The following HERC4 variants were observed in gnomAD, a reference collection of about 807,000 sequenced individuals.
The protein encoded by HERC4 is probable E3 ubiquitin-protein ligase HERC4.
A neutral mutation model predicts 124.3 loss-of-function variants in HERC4; 28 were observed. The ratio of observed to expected loss-of-function variants is 0.23; its 90% CI spans 0.17 to 0.31. The LOEUF (loss-of-function observed/expected upper bound fraction) is 0.31. Among genes scored for constraint, HERC4 ranks in the 10% least tolerant of loss-of-function variants. The probability of loss-of-function intolerance (pLI) is 1.00; values close to 1 mark genes in which losing one functional copy is unlikely to be tolerated. For synonymous variants in HERC4, 407 were observed against 421.5 expected, an observed-to-expected ratio of 0.97 and a Z score of 0.42; for missense variants, 713 against 1,229.3, an observed-to-expected ratio of 0.58 and a Z score of 6.28.
chr10:68,056,861 C>T (rs1235561476), intron 3 of HERC4, among the ~76,000 whole-genome samples: 2 of 152,126 alleles, frequency 1.3e-5, no homozygotes, highest in Non-Finnish European at 2.9e-5. Flanking sequence ...ACAAGACAGT[C>T]ACTGAGAAAA....
chr10:68,024,279 G>C (rs949270943), intron 8 of HERC4, among the ~76,000 whole-genome samples: 1 of 152,070 alleles, frequency 6.6e-6, no homozygotes, highest in Non-Finnish European at 1.5e-5. Context: ...ATACTAACTG[G>C]TGATAAGTAC....
At chr10:67,960,510 C>T (rs539886723) in intron 16 of HERC4, among the ~76,000 whole-genome samples, 16 of 152,196 alleles carry the variant, frequency 1.1e-4, no homozygotes, top group Non-Finnish European at 1.6e-4. Context: ...CTCAGCCTCC[C>T]GAGTAGCTGG....
chr10:68,010,579 G>T, intron 9 of HERC4: 2 of 1,150,554 alleles, frequency 1.7e-6, no homozygotes, highest in South Asian at 1.3e-5. Flanking sequence ...ATACTGGTTC[G>T]CTTTCTCTTT....
At chr10:67,949,775 T>C (rs1395590871) in intron 19 of HERC4, among the ~76,000 whole-genome samples, 1 of 152,182 alleles carries the variant, frequency 6.6e-6, no homozygotes, top group Non-Finnish European at 1.5e-5. Flanking sequence ...GCCAGCACTT[T>C]GAGTGGCTGA....
chr10:67,993,368 T>C (rs2036663984), intron 9 of HERC4: 1 of 150,342 alleles, frequency 6.7e-6, no homozygotes, highest in African/African-American at 2.4e-5. Context: ...AAAGAAAGAA[T>C]TGAACTGGGC....
chr10:68,070,680 C>T (rs968245854), intron 3 of HERC4: 2 of 151,898 alleles, frequency 1.3e-5, no homozygotes, highest in African/African-American at 4.8e-5. Context: ...AGATGAAGTT[C>T]CTATCACAGC....
chr10:68,063,032 T>C (rs1213689174), intron 3 of HERC4, among the ~76,000 whole-genome samples: 7 of 152,186 alleles, frequency 4.6e-5, no homozygotes, highest in East Asian at 1.9e-4. Flanking sequence ...AACTTGCCTG[T>C]TGCCATCTGC....
intron 3 of HERC4, among the ~76,000 whole-genome samples, chr10:68,054,121 C>A (rs2040439258): frequency 6.6e-6 from 1 of 152,030 alleles, no homozygotes; most frequent in African/African-American, 2.4e-5. Flanking sequence ...TAAACTAGGG[C>A]AATGCAGAGT....
chr10:67,974,073 T>TAC lies in HERC4; in HGVS notation c.1807-7273_1807-7272dup, dbSNP rs57454971. Among the ~76,000 whole-genome samples, 92 of 96,044 alleles carry TAC rather than the reference T, an allele frequency of 9.6e-4. 3 individuals carry two copies. The highest frequency in any genetic ancestry group is 3.4e-3 in the African/African-American group (82 of 24,280). The allele number at this position is 96,044 out of a possible 152,430, so 63.0% of individuals were successfully genotyped here. A position where few individuals can be genotyped will look rare whatever the true frequency, so the allele number is the denominator to read the frequency against. On this transcript the variant is annotated intron_variant, in intron 15 of 24. Transcript: ENST00000373700. The stretch of plus-strand genomic sequence containing the variant: ...AAAAAAAAAAAAAAAAAAATTACTG[T>TAC]ACACACACACACACACACACACACA...
intron 24 of HERC4, among the ~76,000 whole-genome samples, chr10:67,923,968 A>G (rs1315772427): frequency 6.6e-6 from 1 of 152,190 alleles, no homozygotes; most frequent in Non-Finnish European, 1.5e-5. Context: ...ATACACAGGC[A>G]TCAGTTATAA....
At chr10:67,998,002 G>A (rs1425374982) in intron 9 of HERC4, among the ~76,000 whole-genome samples, 2 of 151,958 alleles carry the variant, frequency 1.3e-5, no homozygotes, top group Non-Finnish European at 2.9e-5. Context: ...GGGTTCAAGC[G>A]ATTCTCCTGC....
chr10:68,014,265 A>T (rs996513782), intron 8 of HERC4, 79 bp from the exon 9 acceptor site: 13 of 1,262,346 alleles, frequency 1.0e-5, no homozygotes, highest in African/African-American at 3.0e-5. Context: ...AGAAAATATC[A>T]AAAGAGGTAA....
rs35817479 is a variant in HERC4, at chr10:68,018,993, CTT to C, written c.909-4809_909-4808del. Among the ~76,000 whole-genome samples, 54 of 87,984 alleles carry C rather than the reference CTT, an allele frequency of 6.1e-4. 1 individual carries two copies. The East Asian group carries it at 7.5e-3, about 12-fold the overall frequency. 57.7% of individuals were successfully genotyped at this position (87,984 alleles called of 152,430 possible). A position where few individuals can be genotyped will look rare whatever the true frequency, so the allele number is the denominator to read the frequency against. On this transcript the variant is annotated intron_variant, in intron 8 of 24. Coordinates refer to ENST00000373700, the MANE Select transcript of HERC4 (RefSeq NM_015601.4). ...GTCATCATCAGCCAAAGCATTCTTT[CTT>C]TTTTTTTTTTTTTTTTTTGAGATGG...
At chr10:68,020,764 G>A (rs1461861417) in intron 8 of HERC4, among the ~76,000 whole-genome samples, 122 of 134,664 alleles carry the variant, frequency 9.1e-4, no homozygotes, top group African/African-American at 3.1e-3. Context: ...GCGAGACTCC[G>A]TCTCAAAAAA....
At chr10:68,039,364 G>GGGA in intron 4 of HERC4, 1 of 1,511,502 alleles carries the variant, frequency 6.6e-7, no homozygotes, top group Non-Finnish European at 8.8e-7. Context: ...ACGGGGGATG[G>GGGA]GGAGGTACAC....
At chr10:68,031,538 G>A (rs558092223) in intron 7 of HERC4, among the ~76,000 whole-genome samples, 48 of 151,718 alleles carry the variant, frequency 3.2e-4, no homozygotes, top group African/African-American at 8.7e-4. Flanking sequence ...TTACTTTTGC[G>A]CCAACCTAAT....
chr10:68,062,805 A>G (rs770699714), intron 3 of HERC4, among the ~76,000 whole-genome samples: 4 of 152,078 alleles, frequency 2.6e-5, no homozygotes, highest in Admixed American at 1.3e-4. Context: ...TCACAGCCTA[A>G]CTATTTCTTT....
Position 67,991,219 on chromosome 10 carries a change from T to A in HERC4, c.1272-20A>T. On this transcript the variant is annotated intron_variant, in intron 11 of 24. Coordinates refer to ENST00000373700, the MANE Select transcript of HERC4 (RefSeq NM_015601.4). ...ATCTCACTAAAAAATTTAAAAAAGTTTTTTTAATCATAGAATCAGAAATTT... is the reference window on the plus strand; with the variant it reads ...ATCTCACTAAAAAATTTAAAAAAGTATTTTTAATCATAGAATCAGAAATTT... The A allele has an allele frequency of 7.1e-7, 1 of 1,412,304 alleles. No homozygotes were observed. Among genetic ancestry groups the A allele is most frequent in the Non-Finnish European group, 9.6e-7 (1 of 1,042,278 alleles). The allele number at this position is 1,412,304 out of a possible 1,614,324, so 87.5% of individuals were successfully genotyped here.
chr10:68,020,554 CAGG>C (rs2038552714), intron 8 of HERC4, among the ~76,000 whole-genome samples: 1 of 151,880 alleles, frequency 6.6e-6, no homozygotes, highest in African/African-American at 2.4e-5. Flanking sequence ...ATCACGAGGT[CAGG>C]AGATCGAGAC....
Sources: allele counts gnomAD v4.1 joint callset (sites outside exome capture counted in the v4.1 genomes callset), GRCh38; gene constraint gnomAD v4.1.1; transcripts MANE v1.5; gene names NCBI Gene and HGNC (gene_info 2026-07-23, HGNC 2026-07-21).